The following ADGRL2 variants were observed in gnomAD, a reference collection of about 807,000 sequenced individuals.
The protein encoded by ADGRL2 is adhesion G protein-coupled receptor L2.
In ADGRL2, 44 loss-of-function variants were observed where a neutral mutation model predicts 157.4. That is an observed-to-expected ratio of 0.28 (90% CI 0.22 to 0.36). The LOEUF is 0.36. ADGRL2 is among the 10% of genes least tolerant of loss of function. The pLI is 1.00. For missense variants in ADGRL2, 1,510 were observed against 1,768.9 expected (o/e 0.85, Z 2.63); for synonymous variants, 585 against 624.7 (o/e 0.94, Z 0.95).
intron 3 of ADGRL2, among the ~76,000 whole-genome samples, chr1:81,597,783 A>T (rs2081264336): frequency 6.6e-6 from 1 of 152,170 alleles, no homozygotes; most frequent in Admixed American, 6.5e-5. Flanking sequence ...CTTAAGTCAA[A>T]CCACTGTAAG....
intron 1 of ADGRL2, among the ~76,000 whole-genome samples, chr1:81,726,586 C>T (rs925017453): frequency 6.6e-6 from 1 of 152,146 alleles, no homozygotes; most frequent in African/African-American, 2.4e-5. Context: ...ATTGAGGAGT[C>T]GTTCCCCAAA....
At chr1:81,591,292 C>T (rs911299940) in intron 3 of ADGRL2, among the ~76,000 whole-genome samples, 5 of 152,124 alleles carry the variant, frequency 3.3e-5, no homozygotes, top group Non-Finnish European at 4.4e-5. Flanking sequence ...TATCCCTATC[C>T]CAAACTTCAG....
intron 2 of ADGRL2, among the ~76,000 whole-genome samples, chr1:81,571,654 C>T (rs1027511078): frequency 8.6e-5 from 13 of 151,632 alleles, no homozygotes; most frequent in African/African-American, 2.2e-4. Context: ...AAAAACAGAG[C>T]GTAATAGATA....
rs146379178 is a variant in ADGRL2 at position 81,665,437 on chromosome 1, T to C, written c.-143+84457T>C. ...TACATTTCATTTCTTTATTAAGCAATATAGGCAATAAATTCTCATGAAGGT... is the reference window on the plus strand; with the variant it reads ...TACATTTCATTTCTTTATTAAGCAACATAGGCAATAAATTCTCATGAAGGT... On this transcript the variant is annotated intron_variant, in intron 3 of 24. Coordinates refer to the ADGRL2 transcript ENST00000370721. Among the ~76,000 whole-genome samples, 360 of 152,294 alleles carry C rather than the reference T, an allele frequency of 2.4e-3. 1 individual carries two copies. The highest frequency in any genetic ancestry group is 8.2e-3 in the African/African-American group (339 of 41,582).
At chr1:81,508,144 G>A (rs1355282426) in intron 2 of ADGRL2, among the ~76,000 whole-genome samples, 4 of 152,122 alleles carry the variant, frequency 2.6e-5, no homozygotes, top group Admixed American at 2.6e-4. Context: ...TGGAATCACT[G>A]AAATAACACA....
intron 1 of ADGRL2, among the ~76,000 whole-genome samples, chr1:81,759,570 G>GT: frequency 6.6e-6 from 1 of 152,142 alleles, no homozygotes; most frequent in South Asian, 2.1e-4. Context: ...GTCCACAAAA[G>GT]TTTTTTCTAG....
At chr1:81,673,759 T>C (rs543644001) in intron 3 of ADGRL2, among the ~76,000 whole-genome samples, 5 of 152,222 alleles carry the variant, frequency 3.3e-5, no homozygotes, top group African/African-American at 1.2e-4. Context: ...CCTCGTGATC[T>C]GCCCGCCTCG....
chr1:81,400,886 G>A (rs2076741252), intron 1 of ADGRL2, among the ~76,000 whole-genome samples: 1 of 152,102 alleles, frequency 6.6e-6, no homozygotes, highest in African/African-American at 2.4e-5. Flanking sequence ...CTCAGCCAGG[G>A]CTCTGTTTCC....
chr1:81,437,957 G>T lies in ADGRL2; in HGVS notation c.-301-7079G>T, dbSNP rs116609712. Among the ~76,000 whole-genome samples, 1,387 of 151,830 alleles carry T rather than the reference G, an allele frequency of 9.1e-3. 36 individuals carry two copies. Among genetic ancestry groups the T allele is most frequent in the Admixed American group, 0.056 (849 of 15,232 alleles). On this transcript the variant is annotated intron_variant, in intron 1 of 24. Transcript: ENST00000370721. ...AGTCAGCCACAAATGCCTACTATTA[G>T]TCACCTATGTCCCCACAGAGGCCAT...
chr1:81,629,555 A>G (rs1001109110), intron 3 of ADGRL2, among the ~76,000 whole-genome samples: 2 of 152,192 alleles, frequency 1.3e-5, no homozygotes, highest in Non-Finnish European at 2.9e-5. Flanking sequence ...AAAGTTTTAT[A>G]TTATGAATGT....
chr1:81,966,824 T>C (rs901292880), intron 13 of ADGRL2, among the ~76,000 whole-genome samples: 2 of 152,214 alleles, frequency 1.3e-5, no homozygotes, highest in Non-Finnish European at 2.9e-5. Context: ...GTTCAGTGAT[T>C]ATTAGAACTT....
At chr1:81,551,517 T>G (rs567458011) in intron 2 of ADGRL2, among the ~76,000 whole-genome samples, 1 of 152,350 alleles carries the variant, frequency 6.6e-6, no homozygotes, top group Admixed American at 6.5e-5. Context: ...TTGCAAAATC[T>G]AATATGCTAT....
At position 81,955,863 on chromosome 1, in the gene ADGRL2, T is replaced by G. The variant is rs1343723972; in HGVS notation, c.1834-14T>G. 6.5e-7 allele frequency: 1 copy of G among 1,529,194 alleles called. No individual in the cohort carries two copies. Among genetic ancestry groups the G allele is most frequent in the Non-Finnish European group, 8.8e-7 (1 of 1,137,900 alleles). 94.7% of individuals were successfully genotyped at this position (1,529,194 alleles called of 1,614,324 possible). On this transcript the variant is annotated splice_polypyrimidine_tract_variant and intron_variant, in intron 10 of 23. Transcript: ENST00000686636. ...AAGCGGTCAAAACTAATGATAGTTT[T>G]CTAATGGATACAGGCAATTGTTGAC...
At chr1:81,893,151 A>G (rs1287159031) in intron 2 of ADGRL2, among the ~76,000 whole-genome samples, 1 of 152,152 alleles carries the variant, frequency 6.6e-6, no homozygotes, top group Non-Finnish European at 1.5e-5. Flanking sequence ...TACTGGCATG[A>G]ATTAGATGAG....
At chr1:81,604,554 G>C (rs960196931) in intron 3 of ADGRL2, among the ~76,000 whole-genome samples, 1 of 152,180 alleles carries the variant, frequency 6.6e-6, no homozygotes, top group Non-Finnish European at 1.5e-5. Context: ...TTTTATAAGT[G>C]CTAAGGACTG....
At chr1:81,878,970 C>G (rs555919522) in intron 2 of ADGRL2, among the ~76,000 whole-genome samples, 7 of 152,094 alleles carry the variant, frequency 4.6e-5, no homozygotes, top group Non-Finnish European at 1.0e-4. Context: ...ATACTTCCCC[C>G]AAAACATTTA....
At chr1:81,363,104 A>G (rs1168412067) in intron 1 of ADGRL2, among the ~76,000 whole-genome samples, 3 of 152,100 alleles carry the variant, frequency 2.0e-5, no homozygotes, top group Non-Finnish European at 4.4e-5. Flanking sequence ...TATTAAGCAA[A>G]ACGAATATCT....
Position 81,836,935 on chromosome 1 carries a change from A to G in ADGRL2, c.-50A>G, listed in dbSNP as rs1355006214. On this transcript the variant is annotated 5_prime_UTR_variant, in exon 2 of 24. Coordinates refer to ENST00000686636, the MANE Select transcript of ADGRL2 (RefSeq NM_001366006.2). ...ATGGTTTTGATGAAGCTGGGCATTT[A>G]TAACTAGATTCATTAAGGAATACAA... 1 of 1,108,558 alleles carries G rather than the reference A, an allele frequency of 9.0e-7. No individual in the cohort carries two copies. Among genetic ancestry groups the G allele is most frequent in the Non-Finnish European group, 1.3e-6 (1 of 756,166 alleles). The allele number at this position is 1,108,558 out of a possible 1,614,324, so 68.7% of individuals were successfully genotyped here.
chr1:81,628,776 G>A (rs2081957217), intron 3 of ADGRL2, among the ~76,000 whole-genome samples: 1 of 152,170 alleles, frequency 6.6e-6, no homozygotes, highest in Non-Finnish European at 1.5e-5. Context: ...GCATGCATAT[G>A]TTATAACCTC....
Sources: gnomAD v4.1 joint callset for allele counts (sites outside exome capture counted in the v4.1 genomes callset) on GRCh38, gnomAD v4.1.1 for gene constraint, MANE v1.5 for transcripts, NCBI Gene and HGNC (gene_info 2026-07-23, HGNC 2026-07-21) for gene names.